RASSF3: variants seen among roughly 807,000 people sequenced by gnomAD.
RASSF3 encodes the protein ras association domain-containing protein 3.
In RASSF3, 19 loss-of-function variants were observed where a neutral mutation model predicts 19.9. The ratio of observed to expected loss-of-function variants is 0.96; its 90% CI spans 0.67 to 1.40. RASSF3 has a LOEUF of 1.40. RASSF3 is among the 40% of genes most tolerant of loss of function. The probability of loss-of-function intolerance (pLI) is 0.00; values close to 1 mark genes in which losing one functional copy is unlikely to be tolerated. For synonymous variants in RASSF3, 110 were observed against 104.2 expected, an observed-to-expected ratio of 1.06 and a Z score of -0.34; for missense variants, 306 against 289.8, an observed-to-expected ratio of 1.06 and a Z score of -0.41.
chr12:64,631,748 T>G lies in RASSF3; in HGVS notation c.111+21005T>G, dbSNP rs1045240461. 3.5e-4 allele frequency among the ~76,000 whole-genome samples: 53 copies of G among 152,050 alleles called. 1 individual carries two copies. Among genetic ancestry groups the G allele is most frequent in the Non-Finnish European group, 5.9e-5 (4 of 68,006 alleles). ...CCACACCCAGTTAATTTTTGTATTTTTAGTAGAGATGGAGTTTTGCCATGT... is the reference window on the plus strand; with the variant it reads ...CCACACCCAGTTAATTTTTGTATTTGTAGTAGAGATGGAGTTTTGCCATGT... On this transcript the variant is annotated intron_variant, in intron 1 of 4. Coordinates refer to ENST00000542104, the MANE Select transcript of RASSF3 (RefSeq NM_178169.4).
At chr12:64,564,812 G>A (rs1412323272) in intron 2 of RASSF3, among the ~76,000 whole-genome samples, 2 of 145,908 alleles carry the variant, frequency 1.4e-5, no homozygotes, top group Non-Finnish European at 1.5e-5. Context: ...AGGGAGTCTC[G>A]CTCTGTTGCC....
intron 2 of RASSF3, among the ~76,000 whole-genome samples, chr12:64,604,921 G>T (rs115387251): frequency 0.018 from 2,739 of 151,148 alleles, 83 homozygotes; most frequent in African/African-American, 0.063. Context: ...CACCGTGCCC[G>T]GCCATGTAAC....
chr12:64,582,455 C>T (rs1869719390), intron 2 of RASSF3, among the ~76,000 whole-genome samples: 1 of 152,164 alleles, frequency 6.6e-6, no homozygotes, highest in Non-Finnish European at 1.5e-5. Flanking sequence ...AAAAGCTTTA[C>T]TATTTTCTTC....
intron 1 of RASSF3, among the ~76,000 whole-genome samples, chr12:64,647,676 G>A (rs1436840172): frequency 6.6e-6 from 1 of 152,024 alleles, no homozygotes; most frequent in Non-Finnish European, 1.5e-5. Flanking sequence ...CTCCCAAAGT[G>A]CTGGGATTAC....
intron 1 of RASSF3, among the ~76,000 whole-genome samples, chr12:64,660,028 A>G (rs199880104): frequency 1.3e-4 from 14 of 108,494 alleles, no homozygotes; most frequent in African/African-American, 3.9e-4. Flanking sequence ...GTGTGTGTGT[A>G]TGTGTATATA....
intron 2 of RASSF3, among the ~76,000 whole-genome samples, chr12:64,590,413 G>A (rs1321441217): frequency 1.3e-5 from 2 of 152,094 alleles, no homozygotes; most frequent in African/African-American, 4.8e-5. Context: ...TTGTAGACAT[G>A]AGCCCATGAA....
chr12:64,591,081 T>C (rs1869913023), intron 2 of RASSF3, among the ~76,000 whole-genome samples: 1 of 152,208 alleles, frequency 6.6e-6, no homozygotes, highest in African/African-American at 2.4e-5. Context: ...ACATTAATTC[T>C]GGTCCCACCT....
chr12:64,595,670 C>A (rs1227150441), intron 2 of RASSF3, among the ~76,000 whole-genome samples: 4 of 152,156 alleles, frequency 2.6e-5, no homozygotes, highest in Non-Finnish European at 5.9e-5. Context: ...TTCTACACTA[C>A]CCACATCACA....
chr12:64,676,943 T>A (rs1872929448), intron 1 of RASSF3, among the ~76,000 whole-genome samples: 1 of 152,032 alleles, frequency 6.6e-6, no homozygotes, highest in Non-Finnish European at 1.5e-5. Context: ...TAATTTTCTA[T>A]TTTTAGTAGA....
In RASSF3 at chr12:64,575,368, A is replaced by T. The variant is rs145434584; in HGVS notation, c.294+33663A>T. Among the ~76,000 whole-genome samples the T allele has an allele frequency of 5.0e-3, 761 of 152,314 alleles. 29 individuals are homozygous for T. The highest frequency in any genetic ancestry group is 0.039 in the Admixed American group (590 of 15,288). ...GGAGATCGAAACCATCCTGGCTAACACAGTCAAACCCCGTCTCTACTAAAA... is the reference window on the plus strand; with the variant it reads ...GGAGATCGAAACCATCCTGGCTAACTCAGTCAAACCCCGTCTCTACTAAAA... On this transcript the variant is annotated intron_variant, in intron 2 of 5. Transcript: ENST00000637125.
Position 64,523,176 on chromosome 12 carries a change from C to T in RASSF3, c.169+15847C>T, listed in dbSNP as rs1868513816. 2.6e-5 allele frequency among the ~76,000 whole-genome samples: 4 copies of T among 152,278 alleles called. No homozygotes were observed. The South Asian group carries it at 8.3e-4, about 32-fold the overall frequency. Reference sequence around the variant, plus strand: ...ATCCCAGCACTTTGGGAGACTGAGGCAGGCAGATCACCTGAGGTCAGGAGT... The same window carrying T: ...ATCCCAGCACTTTGGGAGACTGAGGTAGGCAGATCACCTGAGGTCAGGAGT... On this transcript the variant is annotated intron_variant, in intron 1 of 5. Transcript: ENST00000637125.
intron 2 of RASSF3, among the ~76,000 whole-genome samples, chr12:64,559,443 G>A (rs1341197810): frequency 8.0e-6 from 1 of 125,622 alleles, no homozygotes; most frequent in Non-Finnish European, 1.7e-5. Context: ...TGTTGTTGTT[G>A]TATTTTTAGT....
chr12:64,679,082 G>A (rs986669043), intron 1 of RASSF3, among the ~76,000 whole-genome samples: 7 of 152,160 alleles, frequency 4.6e-5, no homozygotes, highest in Admixed American at 1.3e-4. Context: ...AAGCGGGGGT[G>A]GGGACAGAGT....
At chr12:64,551,447 G>A (rs141860974) in intron 2 of RASSF3, among the ~76,000 whole-genome samples, 4,063 of 152,096 alleles carry the variant, frequency 0.027, 108 homozygotes, top group Middle Eastern at 0.11. Flanking sequence ...ATGGTGGTGC[G>A]CGCCTGTAGT....
upstream of RASSF3, among the ~76,000 whole-genome samples, chr12:64,606,823 A>G (rs575934989): frequency 8.6e-5 from 13 of 150,504 alleles, no homozygotes; most frequent in South Asian, 2.7e-3. Context: ...TCAAAAAAAC[A>G]AAACAAAACT....
At chr12:64,636,865 C>CAAAA (rs762865541) in intron 1 of RASSF3, among the ~76,000 whole-genome samples, 2 of 63,512 alleles carry the variant, frequency 3.1e-5, no homozygotes, top group Non-Finnish European at 6.0e-5. Flanking sequence ...AACTCCGTCT[C>CAAAA]AAAAAAAAAA....
chr12:64,574,119 A>G (rs890236017), intron 2 of RASSF3, among the ~76,000 whole-genome samples: 25 of 151,868 alleles, frequency 1.6e-4, no homozygotes, highest in African/African-American at 5.3e-4. Flanking sequence ...CCTGGCCAAC[A>G]TGGTGAAAGC....
At chr12:64,589,175 C>T (rs1220681368) in intron 2 of RASSF3, among the ~76,000 whole-genome samples, 3 of 152,218 alleles carry the variant, frequency 2.0e-5, no homozygotes, top group African/African-American at 7.2e-5. Context: ...ATAGGCCAGG[C>T]GCAGTGGCTC....
At chr12:64,591,002 A>G (rs573157223) in intron 2 of RASSF3, among the ~76,000 whole-genome samples, 3 of 152,326 alleles carry the variant, frequency 2.0e-5, no homozygotes, top group South Asian at 2.1e-4. Context: ...TCTCAATGAC[A>G]CAGCGAAACC....
Sources: gnomAD v4.1 joint callset for allele counts (sites outside exome capture counted in the v4.1 genomes callset) on GRCh38, gnomAD v4.1.1 for gene constraint, MANE v1.5 for transcripts, NCBI Gene and HGNC (gene_info 2026-07-23, HGNC 2026-07-21) for gene names.